The following DUSP8 variants were observed in gnomAD, a reference collection of about 807,000 sequenced individuals.
DUSP8 encodes dual specificity phosphatase 8.
In DUSP8, 15 loss-of-function variants were observed where a neutral mutation model predicts 38.7. The observed-to-expected ratio is 0.39, with a 90% confidence interval of 0.26 to 0.60. DUSP8 has a LOEUF of 0.60. Ranked by LOEUF, DUSP8 falls within the 20% of genes least tolerant of loss-of-function variation. The pLI is 0.56. For missense variants in DUSP8, 768 were observed against 915.0 expected, an observed-to-expected ratio of 0.84 and a Z score of 2.07; for synonymous variants, 458 against 433.9, an observed-to-expected ratio of 1.06 and a Z score of -0.69.
rs1196236204 is a variant in DUSP8 at position 1,559,043 on chromosome 11, G to A, written c.383C>T (p.Thr128Ile). ...SVAILTGGFATFSSCFPGLCE... is the reference protein window; with the variant it reads ...SVAILTGGFAIFSSCFPGLCE... The stretch of plus-strand genomic sequence containing the variant: ...GAGGCCGGGGAAGCAGGAGGAGAAG[G>A]TGGCGAAGCCCCCTGTAGGAGGAGG... Residue 128 changes from threonine to isoleucine, a missense_variant, in exon 4 of 7, where the codon ACC (threonine) becomes ATC (isoleucine). Transcript: ENST00000397374. 1 of 1,610,168 alleles carries A rather than the reference G, an allele frequency of 6.2e-7. No homozygotes were observed. The highest frequency in any genetic ancestry group is 8.5e-7 in the Non-Finnish European group (1 of 1,179,466).
At chr11:1,569,988 C>A (rs545628236) in intron 1 of DUSP8, among the ~76,000 whole-genome samples, 1 of 152,356 alleles carries the variant, frequency 6.6e-6, no homozygotes, top group South Asian at 2.1e-4. Flanking sequence ...CCCCCAGATG[C>A]CCTCATCCCT....
At position 1,555,140 on chromosome 11, in the gene DUSP8, G is replaced by C; in HGVS notation, c.*1378C>G. 1 of 987,848 alleles carries C rather than the reference G, an allele frequency of 1.0e-6. No homozygotes were observed. Among genetic ancestry groups the C allele is most frequent in the Non-Finnish European group, 1.2e-6 (1 of 830,194 alleles). 61.2% of individuals were successfully genotyped at this position (987,848 alleles called of 1,614,324 possible). On this transcript the variant is annotated 3_prime_UTR_variant, in exon 7 of 7. Transcript: ENST00000397374. ...ACTCCTAGACCCTAGGACATCTGAAGGGCAGGGGTCCCAATGGCCCGAGGG... is the reference window on the plus strand; with the variant it reads ...ACTCCTAGACCCTAGGACATCTGAACGGCAGGGGTCCCAATGGCCCGAGGG...
rs1320691815 is a variant in DUSP8 at position 1,557,068 on chromosome 11, G to A, written c.1328C>T (p.Pro443Leu). The change falls in exon 7 of 7, where the codon CCG (proline) becomes CTG (leucine). Residue 443 changes from proline to leucine, a missense_variant. Physicochemically the swap from Pro to Leu is moderately conservative, Grantham distance 98 (BLOSUM62 -3). Transcript: ENST00000397374. The surrounding 1 kb of genome is among the most constrained non-coding windows in gnomAD (Gnocchi z 9.9). ...TGGGCGCGCCTCAGGCGCGGCGTCC[G>A]GGCTGTCCGGGCTGGGCGAGGACAG... ...LGLSSPSPDS[P>L]DAAPEARPRP... 1.6e-6 allele frequency: 2 copies of A among 1,223,680 alleles called. No homozygotes were observed. The highest frequency in any genetic ancestry group is 1.6e-5 in the African/African-American group (1 of 62,146). 75.8% of individuals were successfully genotyped at this position (1,223,680 alleles called of 1,614,324 possible). A position where few individuals can be genotyped will look rare whatever the true frequency, so the allele number is the denominator to read the frequency against.
At chr11:1,568,998 C>A (rs1006563889) in intron 1 of DUSP8, among the ~76,000 whole-genome samples, 7 of 152,174 alleles carry the variant, frequency 4.6e-5, no homozygotes, top group African/African-American at 1.7e-4. Flanking sequence ...GGAGCAGAGA[C>A]ACTAAGGACA....
In DUSP8 at chr11:1,572,166, G is replaced by C. The variant is rs1848913573; in HGVS notation, c.-374C>G. On this transcript the variant is annotated 5_prime_UTR_variant, in exon 1 of 7. Transcript: ENST00000397374. The surrounding 1 kb of genome is among the most constrained non-coding windows in gnomAD (Gnocchi z 4.7). ...CGCGGCTCGGCGGGCGCGGCCGGGA[G>C]GTTCCGGCGCGGCTCGGGCTCGGGC... Among the ~76,000 whole-genome samples the C allele has an allele frequency of 6.9e-6, 1 of 145,752 alleles. No individual in the cohort carries two copies. The highest frequency in any genetic ancestry group is 1.5e-5 in the Non-Finnish European group (1 of 65,682).
At chr11:1,569,540 G>A (rs1848856292) in intron 1 of DUSP8, among the ~76,000 whole-genome samples, 1 of 152,122 alleles carries the variant, frequency 6.6e-6, no homozygotes, top group African/African-American at 2.4e-5. Flanking sequence ...TCTGTATGCA[G>A]GATCCCCTGA....
intron 1 of DUSP8, among the ~76,000 whole-genome samples, chr11:1,571,092 G>A (rs973947320): frequency 6.6e-6 from 1 of 152,160 alleles, no homozygotes; most frequent in African/African-American, 2.4e-5. Context: ...GCAGCAGGGA[G>A]ACGGAGGCAG....
chr11:1,555,441 T>G lies in DUSP8; in HGVS notation c.*1077A>C, dbSNP rs1848606717. Reference sequence around the variant, plus strand: ...CACCTGCTCACAGAGCCCCTCAGCCTGCAGGTGCACACCTGAATTCCAAGT... The same window carrying G: ...CACCTGCTCACAGAGCCCCTCAGCCGGCAGGTGCACACCTGAATTCCAAGT... On this transcript the variant is annotated 3_prime_UTR_variant, in exon 7 of 7. Transcript: ENST00000397374. 8 of 983,678 alleles carry G rather than the reference T, an allele frequency of 8.1e-6. No individual in the cohort carries two copies. The South Asian group carries it at 2.4e-4, about 29-fold the overall frequency. 60.9% of individuals were successfully genotyped at this position (983,678 alleles called of 1,614,324 possible).
At chr11:1,567,215 C>T (rs953335795) in intron 1 of DUSP8, among the ~76,000 whole-genome samples, 1 of 152,186 alleles carries the variant, frequency 6.6e-6, no homozygotes, top group African/African-American at 2.4e-5. Flanking sequence ...GATAGATGTA[C>T]CCTGGGCCCT....
chr11:1,563,350 C>T (rs1376329497), intron 3 of DUSP8, among the ~76,000 whole-genome samples: 10 of 152,132 alleles, frequency 6.6e-5, no homozygotes, highest in Non-Finnish European at 1.2e-4. Context: ...TGTAGGGGGG[C>T]GGCTTCCCTG....
intron 1 of DUSP8, among the ~76,000 whole-genome samples, chr11:1,571,053 A>G: frequency 6.7e-6 from 1 of 150,268 alleles, no homozygotes; most frequent in Non-Finnish European, 1.5e-5. Flanking sequence ...CAGAGCCCCT[A>G]TTCCCCTCAG....
At chr11:1,562,858 T>A (rs971951666) in intron 3 of DUSP8, among the ~76,000 whole-genome samples, 1 of 152,128 alleles carries the variant, frequency 6.6e-6, no homozygotes, top group Admixed American at 6.5e-5. Flanking sequence ...GGAGGGAGCC[T>A]GGCCTCAATG....
In DUSP8 at chr11:1,556,806, G is replaced by A. The variant is rs1246961484; in HGVS notation, c.1590C>T (p.Gly530=). Residue 530 remains glycine (G), a synonymous_variant, in exon 7 of 7, where the codon GGC becomes GGT. Coordinates refer to ENST00000397374, the MANE Select transcript of DUSP8 (RefSeq NM_004420.3). The surrounding 1 kb of genome is among the most constrained non-coding windows in gnomAD (Gnocchi z 5.2). ...ACAGCACCCCGCCCGCCCCCTGTGC[G>A]CCCTCGGGGCTGAAGCACCAGGGCC... is the stretch of plus-strand genomic sequence containing the variant. The part of the protein sequence containing the change: ...PDGPWCFSPE[G]AQGAGGVLFA... 17 of 1,169,876 alleles carry A rather than the reference G, an allele frequency of 1.5e-5. No homozygotes were observed. The highest frequency in any genetic ancestry group is 7.0e-4 in the Middle Eastern group (2 of 2,876). 72.5% of individuals were successfully genotyped at this position (1,169,876 alleles called of 1,614,324 possible). A position where few individuals can be genotyped will look rare whatever the true frequency, so the allele number is the denominator to read the frequency against.
At chr11:1,570,337 G>A (rs1848868184) in intron 1 of DUSP8, among the ~76,000 whole-genome samples, 2 of 152,292 alleles carry the variant, frequency 1.3e-5, no homozygotes, top group African/African-American at 2.4e-5. Flanking sequence ...GGGCCTCAGC[G>A]GGTGCAGTTC....
In DUSP8 at chr11:1,555,406, G is replaced by T; in HGVS notation, c.*1112C>A. The T allele has an allele frequency of 1.0e-6, 1 of 986,730 alleles. No homozygotes were observed. The highest frequency in any genetic ancestry group is 1.2e-6 in the Non-Finnish European group (1 of 830,052). 61.1% of individuals were successfully genotyped at this position (986,730 alleles called of 1,614,324 possible). Reference sequence around the variant, plus strand: ...GGCTTGGCTGGCGCCTGAACTCCCTGTGTGAGCAGCACCTGCTCACAGAGC... The same window carrying T: ...GGCTTGGCTGGCGCCTGAACTCCCTTTGTGAGCAGCACCTGCTCACAGAGC... On this transcript the variant is annotated 3_prime_UTR_variant, in exon 7 of 7. Transcript: ENST00000397374.
rs1459863703 is a variant in DUSP8 at position 1,556,836 on chromosome 11, G to A, written c.1560C>T (p.Pro520=). The A allele has an allele frequency of 7.0e-6, 8 of 1,150,430 alleles. No individual in the cohort carries two copies. The highest frequency in any genetic ancestry group is 8.5e-6 in the Non-Finnish European group (8 of 936,108). 71.3% of individuals were successfully genotyped at this position (1,150,430 alleles called of 1,614,324 possible). Residue 520 remains proline (P), a synonymous_variant, in exon 7 of 7, where the codon CCC becomes CCT. Transcript: ENST00000397374. This position sits in a 1 kb window ranked among gnomAD's most constrained non-coding sequence, Gnocchi z 5.2. ...PPLDSPGTPS[P]DGPWCFSPEG... The stretch of plus-strand genomic sequence containing the variant: ...CGGGGCTGAAGCACCAGGGCCCGTC[G>A]GGCGACGGCGTGCCTGGGGAGTCGA...
At chr11:1,563,794 C>A (rs1848757945) in intron 3 of DUSP8, 57 bp downstream of exon 3, 4 of 1,433,142 alleles carry the variant, frequency 2.8e-6, no homozygotes. Flanking sequence ...CAGCCCCAGC[C>A]CCAGCCCCAC....
In DUSP8 at chr11:1,557,892, T is replaced by C; in HGVS notation, c.723A>G (p.Gln241=). Residue 241 remains glutamine (Q), a synonymous_variant, in exon 6 of 7, where the codon CAA becomes CAG. Coordinates refer to ENST00000397374, the MANE Select transcript of DUSP8 (RefSeq NM_004420.3). The surrounding 1 kb of genome is among the most constrained non-coding windows in gnomAD (Gnocchi z 9.9). ...FIDKAKLSSC[Q]VIVHCLAGIS... is the part of the protein sequence containing the mutation. ...TGCCAGCCAGACAGTGGACGATGAC[T>C]TGGCAGCTGGAGAGCTTGGCTTTAT... 1 of 1,613,972 alleles carries C rather than the reference T, an allele frequency of 6.2e-7. No homozygotes were observed. Among genetic ancestry groups the C allele is most frequent in the South Asian group, 1.1e-5 (1 of 91,078 alleles).
rs552737149 is a variant in DUSP8, at chr11:1,568,163, C to T, written c.-108-2229G>A. Among the ~76,000 whole-genome samples the T allele has an allele frequency of 2.0e-5, 3 of 152,308 alleles. No individual in the cohort carries two copies. The East Asian group carries it at 5.8e-4, about 29-fold the overall frequency. On this transcript the variant is annotated intron_variant, in intron 1 of 6. Coordinates refer to ENST00000397374, the MANE Select transcript of DUSP8 (RefSeq NM_004420.3). Reference sequence around the variant, plus strand: ...CGTTAAGTGGGGGTGGATTCTCTCTCACTGAAAACAACAGAAGCAAATACC... The same window carrying T: ...CGTTAAGTGGGGGTGGATTCTCTCTTACTGAAAACAACAGAAGCAAATACC...
Sources: gnomAD v4.1 joint callset for allele counts (sites outside exome capture counted in the v4.1 genomes callset) on GRCh38, gnomAD v4.1.1 for gene constraint, Gnocchi (gnomAD v3.1) non-coding constraint, MANE v1.5 for transcripts, NCBI Gene and HGNC (gene_info 2026-07-23, HGNC 2026-07-21) for gene names.